Variants in JADE1 observed in about 807,000 individuals in gnomAD.
The protein encoded by JADE1 is jade family PHD finger 1, also known as protein Jade-1.
JADE1 carries 14 observed loss-of-function variants against 81.8 expected under a neutral mutation model. That is an observed-to-expected ratio of 0.17 (90% CI 0.11 to 0.27). The LOEUF (loss-of-function observed/expected upper bound fraction) is 0.27. JADE1 is among the 10% of genes least tolerant of loss of function. The pLI is 1.00. For missense variants in JADE1, 690 were observed against 1,047.9 expected (o/e 0.66, Z 4.71); for synonymous variants, 353 against 391.9 (o/e 0.90, Z 1.17).
At chr4:128,838,976 C>T (rs28635430) in intron 2 of JADE1, among the ~76,000 whole-genome samples, 9 of 152,080 alleles carry the variant, frequency 5.9e-5, no homozygotes, top group African/African-American at 1.7e-4. Context: ...TGAGCTCAAA[C>T]GCATGTCTTC....
At chr4:128,829,720 G>A (rs1038896322) in intron 1 of JADE1, among the ~76,000 whole-genome samples, 1 of 152,144 alleles carries the variant, frequency 6.6e-6, no homozygotes, top group Non-Finnish European at 1.5e-5. Context: ...TAGACCTGAA[G>A]GCTTATATAC....
intron 8 of JADE1, among the ~76,000 whole-genome samples, chr4:128,859,649 A>T (rs1731157693): frequency 6.6e-6 from 1 of 152,342 alleles, no homozygotes; most frequent in South Asian, 2.1e-4. Context: ...AACAGGCTGC[A>T]GCAGACCACA....
rs535417957 is a variant in JADE1, at chr4:128,829,365, C to A, written c.-26-2368C>A. Among the ~76,000 whole-genome samples, 10 of 152,258 alleles carry A rather than the reference C, an allele frequency of 6.6e-5. No individual in the cohort carries two copies. The South Asian group carries it at 2.1e-3, about 32-fold the overall frequency. On this transcript the variant is annotated intron_variant, in intron 1 of 10. Coordinates refer to ENST00000226319, the MANE Select transcript of JADE1 (RefSeq NM_199320.4). ...AGCTCATGACCCATACTGATCAGGACTTATGTTCAGCCTTTCTCTTGGTAC... is the reference window on the plus strand; with the variant it reads ...AGCTCATGACCCATACTGATCAGGAATTATGTTCAGCCTTTCTCTTGGTAC...
intron 8 of JADE1, among the ~76,000 whole-genome samples, chr4:128,858,604 T>A (rs865971394): frequency 0.02 from 834 of 41,118 alleles, 12 homozygotes; most frequent in African/African-American, 0.032. Flanking sequence ...GGTTTTAAAA[T>A]TTTTTTTTTT....
chr4:128,866,690 CAG>C (rs1438140638), intron 9 of JADE1, among the ~76,000 whole-genome samples: 2 of 152,084 alleles, frequency 1.3e-5, no homozygotes, highest in Non-Finnish European at 2.9e-5. Flanking sequence ...ATAAAGGTGT[CAG>C]GGGAAGAGTT....
In JADE1 at chr4:128,861,790, T is replaced by C. The variant is rs773660608; in HGVS notation, c.1068T>C (p.Asn356=). 3 of 1,614,204 alleles carry C rather than the reference T, an allele frequency of 1.9e-6. No individual in the cohort carries two copies. In the East Asian group the frequency reaches 6.7e-5, roughly 36 times the overall value. Residue 356 remains asparagine, a synonymous_variant, in exon 9 of 11, where the codon AAT becomes AAC. Coordinates refer to ENST00000226319, the MANE Select transcript of JADE1 (RefSeq NM_199320.4). ...GLEMKTILAE[N]DEVKFKSYCP... is the part of the protein sequence containing the mutation. ...AGATGAAGACCATCTTAGCAGAGAATGATGAAGTCAAGTTCAAGTCCTATT... is the reference window on the plus strand; with the variant it reads ...AGATGAAGACCATCTTAGCAGAGAACGATGAAGTCAAGTTCAAGTCCTATT...
intron 2 of JADE1, among the ~76,000 whole-genome samples, chr4:128,832,968 C>T (rs971941742): frequency 4.6e-5 from 7 of 152,020 alleles, no homozygotes; most frequent in Admixed American, 2.0e-4. Context: ...GAGAATTGGC[C>T]GTTATGGGAG....
Position 128,861,682 on chromosome 4 carries a change from GTTCT to G in JADE1, c.982-19_982-16del. 3 of 1,610,754 alleles carry G rather than the reference GTTCT, an allele frequency of 1.9e-6. No individual in the cohort carries two copies. The highest frequency in any genetic ancestry group is 2.5e-6 in the Non-Finnish European group (3 of 1,178,144). ...TTGCTCTATAATGGTCTATTCTCATGTTCTTTGTGTGTTCTTGACAGTGCTCTGT... is the reference window on the plus strand; with the variant it reads ...TTGCTCTATAATGGTCTATTCTCATGTTGTGTGTTCTTGACAGTGCTCTGT... On this transcript the variant is annotated intron_variant, in intron 8 of 10. Transcript: ENST00000226319.
intron 1 of JADE1, among the ~76,000 whole-genome samples, chr4:128,812,832 C>T (rs552963941): frequency 2.3e-4 from 35 of 152,338 alleles, no homozygotes; most frequent in African/African-American, 7.7e-4. Context: ...TTTGCCCCGG[C>T]CAAGAGGGAA....
chr4:128,818,858 A>G (rs931901394), intron 1 of JADE1, among the ~76,000 whole-genome samples: 1 of 152,032 alleles, frequency 6.6e-6, no homozygotes, highest in Non-Finnish European at 1.5e-5. Context: ...TGATTGGTTG[A>G]TTGATTGATT....
At chr4:128,831,394 T>G in intron 1 of JADE1, 1 of 293,834 alleles carries the variant, frequency 3.4e-6, no homozygotes. Flanking sequence ...ACAGTGTTCA[T>G]TGCTGTGGAT....
At chr4:128,850,463 G>A (rs139747202) in intron 5 of JADE1, among the ~76,000 whole-genome samples, 1 of 152,304 alleles carries the variant, frequency 6.6e-6, no homozygotes, top group Admixed American at 6.5e-5. Context: ...CTGTTGAATG[G>A]GAGTGATAAT....
chr4:128,858,825 G>A (rs1336731939), intron 8 of JADE1, among the ~76,000 whole-genome samples: 1 of 151,988 alleles, frequency 6.6e-6, no homozygotes, highest in African/African-American at 2.4e-5. Context: ...GGCCAGGCTG[G>A]TCTCGAACTC....
chr4:128,867,754 G>A (rs10008441), intron 9 of JADE1, 102 bp from the exon 10 acceptor site: 1 of 632,788 alleles, frequency 1.6e-6, no homozygotes, highest in Non-Finnish European at 2.8e-6. Context: ...ATCTGTCAAG[G>A]CCCTAGTAGG....
chr4:128,818,161 TG>T (rs1347630790), intron 1 of JADE1, among the ~76,000 whole-genome samples: 1 of 151,974 alleles, frequency 6.6e-6, no homozygotes, highest in African/African-American at 2.4e-5. Context: ...TGCTCTGTTA[TG>T]CAGGATGGAG....
rs1296724284 is a variant in JADE1 at position 128,873,256 on chromosome 4, G to GAAAAAAAAAAAAAAAAAAAAAAAAGA, written c.*1010_*1011insAAAAAAAAGAAAAAAAAAAAAAAAAA. ...CATGAATGGATTCCTTAAGAAAAAG[G>GAAAAAAAAAAAAAAAAAAAAAAAAGA]AAAAAAAAAAAAAAAAGAAAAAAAG... On this transcript the variant is annotated 3_prime_UTR_variant, in exon 11 of 11. Coordinates refer to ENST00000226319, the MANE Select transcript of JADE1 (RefSeq NM_199320.4). 5 of 28,524 alleles carry GAAAAAAAAAAAAAAAAAAAAAAAAGA rather than the reference G, an allele frequency of 1.8e-4. No individual in the cohort carries two copies. The highest frequency in any genetic ancestry group is 3.7e-4 in the Non-Finnish European group (5 of 13,404). 1.8% of individuals were successfully genotyped at this position (28,524 alleles called of 1,614,324 possible).
chr4:128,843,376 A>G (rs1729610156), intron 3 of JADE1, among the ~76,000 whole-genome samples: 1 of 152,114 alleles, frequency 6.6e-6, no homozygotes, highest in Non-Finnish European at 1.5e-5. Flanking sequence ...TCCTCTGGCC[A>G]GGATATCAGC....
At chr4:128,855,327 A>T (rs902807229) in intron 6 of JADE1, among the ~76,000 whole-genome samples, 3 of 152,212 alleles carry the variant, frequency 2.0e-5, no homozygotes, top group Non-Finnish European at 4.4e-5. Context: ...AGCAAAGCAG[A>T]TTTCATTTAA....
chr4:128,820,057 T>C (rs1727415867), intron 1 of JADE1, among the ~76,000 whole-genome samples: 1 of 152,252 alleles, frequency 6.6e-6, no homozygotes, highest in African/African-American at 2.4e-5. Flanking sequence ...TAAATTGTTT[T>C]TGAAATCCTC....
Sources: gnomAD v4.1 joint callset for allele counts (sites outside exome capture counted in the v4.1 genomes callset) on GRCh38, gnomAD v4.1.1 for gene constraint, MANE v1.5 for transcripts, NCBI Gene and HGNC (gene_info 2026-07-23, HGNC 2026-07-21) for gene names.